ZBTB20: variants seen among roughly 807,000 people sequenced by gnomAD.
The protein encoded by ZBTB20 is zinc finger and BTB domain-containing protein 20.
Under a neutral mutation model 56.9 loss-of-function variants are expected in ZBTB20, and 9 were observed. The observed-to-expected ratio is 0.16, with a 90% confidence interval of 0.10 to 0.28. ZBTB20 has a LOEUF of 0.28. ZBTB20 is among the 10% of genes least tolerant of loss of function. ZBTB20 has a pLI of 1.00. For missense variants in ZBTB20, 655 were observed against 1,003.0 expected (o/e 0.65, Z 4.69); for synonymous variants, 417 against 420.7 (o/e 0.99, Z 0.11).
chr3:115,079,375 C>T (rs1026465884), intron 1 of ZBTB20, among the ~76,000 whole-genome samples: 2 of 106,272 alleles, frequency 1.9e-5, no homozygotes, highest in African/African-American at 6.2e-5. Flanking sequence ...TTCCTCAAGT[C>T]TTTCTTATTT....
chr3:114,480,648 A>C (rs1344779273), intron 7 of ZBTB20, among the ~76,000 whole-genome samples: 1 of 152,138 alleles, frequency 6.6e-6, no homozygotes, highest in Non-Finnish European at 1.5e-5. Flanking sequence ...CTTTTTAAAG[A>C]CCTTTTACCT....
intron 7 of ZBTB20, among the ~76,000 whole-genome samples, chr3:114,419,565 G>A (rs991998208): frequency 1.3e-5 from 2 of 152,084 alleles, no homozygotes; most frequent in East Asian, 3.9e-4. Context: ...GACCTGTACA[G>A]TTCTTTGGCA....
At chr3:114,422,803 T>G (rs576126583) in intron 7 of ZBTB20, among the ~76,000 whole-genome samples, 1 of 152,248 alleles carries the variant, frequency 6.6e-6, no homozygotes, top group South Asian at 2.1e-4. Flanking sequence ...GAATGACACC[T>G]GTGTGTTCTT....
intron 4 of ZBTB20, among the ~76,000 whole-genome samples, chr3:114,844,852 T>C (rs1331047186): frequency 1.4e-5 from 1 of 69,820 alleles, no homozygotes; most frequent in African/African-American, 4.2e-5. Flanking sequence ...TACCATCTTT[T>C]TCTTTTTCTT....
chr3:114,584,192 T>A (rs2054936930), intron 6 of ZBTB20, among the ~76,000 whole-genome samples: 1 of 152,202 alleles, frequency 6.6e-6, no homozygotes, highest in African/African-American at 2.4e-5. Flanking sequence ...ATACACACAC[T>A]GATAGCTATC....
At chr3:114,914,805 T>C (rs527657821) in intron 3 of ZBTB20, among the ~76,000 whole-genome samples, 3 of 152,034 alleles carry the variant, frequency 2.0e-5, no homozygotes, top group Middle Eastern at 3.4e-3. Flanking sequence ...CAAATGTTTT[T>C]TTCCAGCATC....
chr3:115,019,302 G>C (rs554600955), intron 2 of ZBTB20, among the ~76,000 whole-genome samples: 2 of 151,210 alleles, frequency 1.3e-5, no homozygotes, highest in East Asian at 3.9e-4. Context: ...GGGTTGTTTT[G>C]AGGTAAAAAG....
chr3:114,722,077 T>C (rs1426469367), intron 5 of ZBTB20, among the ~76,000 whole-genome samples: 2 of 152,252 alleles, frequency 1.3e-5, no homozygotes, highest in Non-Finnish European at 2.9e-5. Flanking sequence ...AACAATAACA[T>C]GATGAATGAG....
At chr3:114,550,409 C>T (rs1442690308) in intron 6 of ZBTB20, among the ~76,000 whole-genome samples, 1 of 152,168 alleles carries the variant, frequency 6.6e-6, no homozygotes, top group African/African-American at 2.4e-5. Flanking sequence ...CCAAACTGAT[C>T]CACATTCACT....
chr3:114,734,170 T>A (rs879788466), intron 5 of ZBTB20, among the ~76,000 whole-genome samples: 1 of 151,470 alleles, frequency 6.6e-6, no homozygotes, highest in Non-Finnish European at 1.5e-5. Context: ...CAAATAGATA[T>A]AAATAAATAA....
intron 6 of ZBTB20, among the ~76,000 whole-genome samples, chr3:114,657,063 C>T (rs2060451199): frequency 6.6e-6 from 1 of 152,174 alleles, no homozygotes; most frequent in Non-Finnish European, 1.5e-5. Flanking sequence ...AATTACATGT[C>T]ACATTTTTCT....
At chr3:115,095,788 A>G (rs1242640036) in intron 1 of ZBTB20, among the ~76,000 whole-genome samples, 1 of 152,200 alleles carries the variant, frequency 6.6e-6, no homozygotes, top group East Asian at 1.9e-4. Context: ...TTGATGATTA[A>G]TGTATAATAT....
chr3:115,059,916 T>C (rs2081956228), intron 2 of ZBTB20, among the ~76,000 whole-genome samples: 2 of 152,216 alleles, frequency 1.3e-5, no homozygotes, highest in South Asian at 4.1e-4. Flanking sequence ...GGTTATGTTG[T>C]TACTATTTTG....
chr3:114,617,177 A>G (rs565845741), intron 6 of ZBTB20, among the ~76,000 whole-genome samples: 2 of 152,226 alleles, frequency 1.3e-5, no homozygotes, highest in South Asian at 4.1e-4. Context: ...GAATGCCACA[A>G]GATGAAGTTA....
At chr3:115,070,195 C>T (rs2082358002) in intron 2 of ZBTB20, among the ~76,000 whole-genome samples, 1 of 152,092 alleles carries the variant, frequency 6.6e-6, no homozygotes, top group Non-Finnish European at 1.5e-5. Context: ...TTTTTCACCC[C>T]TACCTCAGGC....
intron 11 of ZBTB20, among the ~76,000 whole-genome samples, chr3:114,349,814 G>A (rs141349411): frequency 1.3e-5 from 2 of 152,272 alleles, no homozygotes; most frequent in African/African-American, 2.4e-5. Flanking sequence ...GGCGTATCAC[G>A]ATTATTCTCA....
chr3:114,895,063 G>C (rs1317410775), intron 4 of ZBTB20, among the ~76,000 whole-genome samples: 1 of 151,812 alleles, frequency 6.6e-6, no homozygotes, highest in African/African-American at 2.4e-5. Flanking sequence ...AGAGGAAAAT[G>C]GTTTACTATA....
intron 6 of ZBTB20, among the ~76,000 whole-genome samples, chr3:114,650,595 C>A (rs531550848): frequency 6.6e-6 from 1 of 151,880 alleles, no homozygotes; most frequent in Non-Finnish European, 1.5e-5. Context: ...TATTATTAGA[C>A]CTACTGCCTA....
In ZBTB20 at chr3:114,452,983, A is replaced by G. The variant is rs375808066; in HGVS notation, c.-255+47369T>C. ...AGAGGAGAACTTTAAGAAAGAAAAC[A>G]TTATCTTGGGTTTACAAATCCAGGA... On this transcript the variant is annotated intron_variant, in intron 7 of 11. Coordinates refer to ENST00000675478, the MANE Select transcript of ZBTB20 (RefSeq NM_001348800.3). 8.2e-4 allele frequency among the ~76,000 whole-genome samples: 125 copies of G among 152,310 alleles called. No individual in the cohort carries two copies. The Middle Eastern group carries it at 0.01, about 12-fold the overall frequency.
Sources: gnomAD v4.1 joint callset for allele counts (sites outside exome capture counted in the v4.1 genomes callset) on GRCh38, gnomAD v4.1.1 for gene constraint, MANE v1.5 for transcripts, NCBI Gene and HGNC (gene_info 2026-07-23, HGNC 2026-07-21) for gene names.